The following MICOS10 variants were observed in gnomAD, a reference collection of about 807,000 sequenced individuals.
The protein encoded by MICOS10 is MICOS complex subunit MIC10.
In MICOS10, 5 loss-of-function variants were observed where a neutral mutation model predicts 13.4. The ratio of observed to expected loss-of-function variants is 0.37; its 90% CI spans 0.20 to 0.78. The LOEUF (loss-of-function observed/expected upper bound fraction) is 0.78, where lower values mean the gene tolerates loss of function less well. MICOS10 is among the 30% of genes least tolerant of loss of function. The pLI, the probability that MICOS10 is intolerant of heterozygous loss-of-function variation, is 0.47. For synonymous variants in MICOS10, 35 were observed against 33.6 expected, an observed-to-expected ratio of 1.04 and a Z score of -0.15; for missense variants, 101 against 94.6, an observed-to-expected ratio of 1.07 and a Z score of -0.28.
intron 1 of MICOS10, among the ~76,000 whole-genome samples, chr1:19,616,118 G>A (rs1009642672): frequency 2.6e-5 from 4 of 152,038 alleles, no homozygotes; most frequent in East Asian, 1.9e-4. Context: ...GGTTCACCAC[G>A]TTGGCCAGGC....
chr1:19,619,784 AGAG>A (rs1184795209), intron 1 of MICOS10, among the ~76,000 whole-genome samples: 31 of 152,256 alleles, frequency 2.0e-4, no homozygotes, highest in Admixed American at 2.0e-4. Context: ...ATTTCATTTT[AGAG>A]GAGTATGTGC....
chr1:19,599,955 T>A (rs1008327182), intron 1 of MICOS10, among the ~76,000 whole-genome samples: 24 of 152,124 alleles, frequency 1.6e-4, no homozygotes, highest in Non-Finnish European at 3.2e-4. Context: ...TGGTGGGTAA[T>A]CATGGGATGG....
chr1:19,599,490 G>T (rs766030726), intron 1 of MICOS10, among the ~76,000 whole-genome samples: 5 of 152,196 alleles, frequency 3.3e-5, no homozygotes, highest in Non-Finnish European at 7.3e-5. Flanking sequence ...ATGAGGCAAG[G>T]TGATGTACGA....
At chr1:19,618,286 A>AT (rs200915800) in intron 1 of MICOS10, among the ~76,000 whole-genome samples, 3,065 of 150,818 alleles carry the variant, frequency 0.02, 104 homozygotes, top group African/African-American at 0.071. Flanking sequence ...TTATTTATTT[A>AT]TTATTATTAT....
chr1:19,623,591 C>T lies in MICOS10; in HGVS notation c.222+8C>T. The T allele has an allele frequency of 6.5e-7, 1 of 1,542,220 alleles. No individual in the cohort carries two copies. The highest frequency in any genetic ancestry group is 1.4e-5 in the African/African-American group (1 of 73,102). On this transcript the variant is annotated splice_region_variant and intron_variant, in intron 3 of 3. Transcript: ENST00000322753. ...CATGGAAAATATGTCAAAGTATGTA[C>T]AGAATATATATTTCTCTTTCCTTCA...
At chr1:19,608,514 C>T (rs1450819670) in intron 1 of MICOS10, 2 of 1,095,654 alleles carry the variant, frequency 1.8e-6, no homozygotes, top group Admixed American at 1.7e-5. Flanking sequence ...GACGTCACCC[C>T]CATCCCCTCT....
chr1:19,623,567 A>C lies in MICOS10; in HGVS notation c.206A>C (p.His69Pro). ...QHDFQAPYLLHGKYVKEQEQ is the reference protein window; with the variant it reads ...QHDFQAPYLLPGKYVKEQEQ ...GATTTCCAGGCTCCATATCTTCTACATGGAAAATATGTCAAAGTATGTACA... is the reference window on the plus strand; with the variant it reads ...GATTTCCAGGCTCCATATCTTCTACCTGGAAAATATGTCAAAGTATGTACA... The change falls in exon 3 of 4, where the codon CAT (histidine) becomes CCT (proline). Residue 69 changes from histidine to proline, a missense_variant. Transcript: ENST00000322753. The C allele has an allele frequency of 6.2e-7, 1 of 1,601,336 alleles. No homozygotes were observed. The highest frequency in any genetic ancestry group is 8.6e-7 in the Non-Finnish European group (1 of 1,168,480).
Position 19,612,086 on chromosome 1 carries a change from AG to A in MICOS10, c.65-10012del, listed in dbSNP as rs1375573362. On this transcript the variant is annotated intron_variant, in intron 1 of 3. Coordinates refer to ENST00000322753, the MANE Select transcript of MICOS10 (RefSeq NM_001032363.4). ...GAGACGGAGTCTCACTCTGTCACCC[AG>A]GATGGAGTGCAGTGGCGCGATCTCC... 4.0e-5 allele frequency among the ~76,000 whole-genome samples: 6 copies of A among 151,048 alleles called. No homozygotes were observed. In the South Asian group the frequency reaches 8.5e-4, roughly 21 times the overall value.
At chr1:19,622,454 G>GATATTTCTAA (rs1388482503) in intron 2 of MICOS10, among the ~76,000 whole-genome samples, 1 of 152,128 alleles carries the variant, frequency 6.6e-6, no homozygotes, top group Non-Finnish European at 1.5e-5. Context: ...TACACGCTCA[G>GATATTTCTAA]ATATTTCTAA....
At chr1:19,599,081 G>A (rs2100230649) in intron 1 of MICOS10, among the ~76,000 whole-genome samples, 1 of 151,822 alleles carries the variant, frequency 6.6e-6, no homozygotes, top group African/African-American at 2.4e-5. Context: ...TTTGAAATAG[G>A]GTCTCGCTCT....
intron 3 of MICOS10, among the ~76,000 whole-genome samples, chr1:19,624,177 A>G (rs954000461): frequency 6.6e-6 from 1 of 151,834 alleles, no homozygotes; most frequent in Non-Finnish European, 1.5e-5. Context: ...ACGGAGCTTC[A>G]CCATGTTGGC....
In MICOS10 at chr1:19,623,768, T is replaced by G. The variant is rs895240347; in HGVS notation, c.222+185T>G. The G allele has an allele frequency of 7.4e-6, 4 of 540,448 alleles. No individual in the cohort carries two copies. The African/African-American group carries it at 7.6e-5, about 10-fold the overall frequency. The allele number at this position is 540,448 out of a possible 1,614,324, so 33.5% of individuals were successfully genotyped here. A position where few individuals can be genotyped will look rare whatever the true frequency, so the allele number is the denominator to read the frequency against. Reference sequence around the variant, plus strand: ...TGCTTTGGTGCTAAAGTCTCCCCTGTGCCTTCAGATGCGTATGTACGTTCA... The same window carrying G: ...TGCTTTGGTGCTAAAGTCTCCCCTGGGCCTTCAGATGCGTATGTACGTTCA... On this transcript the variant is annotated intron_variant, in intron 3 of 3. Coordinates refer to ENST00000322753, the MANE Select transcript of MICOS10 (RefSeq NM_001032363.4).
At chr1:19,620,452 G>C (rs189533616) in intron 1 of MICOS10, among the ~76,000 whole-genome samples, 12 of 152,058 alleles carry the variant, frequency 7.9e-5, no homozygotes, top group Non-Finnish European at 1.8e-4. Flanking sequence ...ATTAAAAATC[G>C]TTTTCTGAAT....
At position 19,626,517 on chromosome 1, in the gene MICOS10, T is replaced by C; in HGVS notation, c.*116T>C. 1.8e-6 allele frequency: 2 copies of C among 1,112,098 alleles called. No individual in the cohort carries two copies. Among genetic ancestry groups the C allele is most frequent in the South Asian group, 2.7e-5 (2 of 74,210 alleles). 68.9% of individuals were successfully genotyped at this position (1,112,098 alleles called of 1,614,324 possible). The stretch of plus-strand genomic sequence containing the variant: ...TCTGTAACAATGTTATCAGTAATGC[T>C]TTAAACTCCAGCACCTGGTTATGCA... On this transcript the variant is annotated 3_prime_UTR_variant, in exon 4 of 4. Coordinates refer to ENST00000322753, the MANE Select transcript of MICOS10 (RefSeq NM_001032363.4).
intron 1 of MICOS10, among the ~76,000 whole-genome samples, chr1:19,619,671 T>C (rs1030643675): frequency 7.9e-5 from 12 of 152,232 alleles, no homozygotes; most frequent in African/African-American, 2.9e-4. Context: ...TGTTAAGGAA[T>C]TGCTCCTTCT....
At chr1:19,623,031 C>T (rs1415052679) in intron 2 of MICOS10, among the ~76,000 whole-genome samples, 1 of 151,238 alleles carries the variant, frequency 6.6e-6, no homozygotes, top group Non-Finnish European at 1.5e-5. Flanking sequence ...AAGCGATTCC[C>T]CTGCCTCAGC....
chr1:19,599,713 C>T (rs534575382), intron 1 of MICOS10, among the ~76,000 whole-genome samples: 4 of 152,150 alleles, frequency 2.6e-5, no homozygotes, highest in South Asian at 2.1e-4. Flanking sequence ...TAAATCGAAG[C>T]GCAGAGAGGT....
chr1:19,604,141 G>C, intron 1 of MICOS10, among the ~76,000 whole-genome samples: 1 of 152,200 alleles, frequency 6.6e-6, no homozygotes, highest in Non-Finnish European at 1.5e-5. Flanking sequence ...TTGCCCCAGA[G>C]GGTAGTTGCA....
At chr1:19,617,069 T>C (rs2094886921) in intron 1 of MICOS10, among the ~76,000 whole-genome samples, 1 of 152,356 alleles carries the variant, frequency 6.6e-6, no homozygotes, top group East Asian at 1.9e-4. Context: ...TCTTGTTTTA[T>C]GCATTCTTGG....
Sources: gnomAD v4.1 joint callset for allele counts (sites outside exome capture counted in the v4.1 genomes callset) on GRCh38, gnomAD v4.1.1 for gene constraint, MANE v1.5 for transcripts, NCBI Gene and HGNC (gene_info 2026-07-23, HGNC 2026-07-21) for gene names.